RASSF3: variants seen among roughly 807,000 people sequenced by gnomAD.
The protein encoded by RASSF3 is ras association domain-containing protein 3.
In RASSF3, 19 loss-of-function variants were observed where a neutral mutation model predicts 19.9. The observed-to-expected ratio is 0.96, with a 90% confidence interval of 0.67 to 1.40. The LOEUF (loss-of-function observed/expected upper bound fraction) is 1.40. Ranked by LOEUF, RASSF3 falls within the 40% of genes most tolerant of loss-of-function variation. The pLI, the probability that RASSF3 is intolerant of heterozygous loss-of-function variation, is 0.00. For synonymous variants in RASSF3, 110 were observed against 104.2 expected (o/e 1.06, Z -0.34); for missense variants, 306 against 289.8 (o/e 1.06, Z -0.41).
At chr12:64,607,500 G>C (rs1487318808), upstream of RASSF3, among the ~76,000 whole-genome samples, 2 of 151,830 alleles carry the variant, frequency 1.3e-5, no homozygotes, top group African/African-American at 2.4e-5. Context: ...CTCCCGAATA[G>C]CTGGGACAAC....
At chr12:64,538,880 T>C (rs1429218220) in intron 1 of RASSF3, among the ~76,000 whole-genome samples, 1 of 151,884 alleles carries the variant, frequency 6.6e-6, no homozygotes, top group Non-Finnish European at 1.5e-5. Flanking sequence ...CCATCTCTAC[T>C]AAAAAATACC....
chr12:64,563,113 A>G (rs951000962), intron 2 of RASSF3, among the ~76,000 whole-genome samples: 8 of 151,954 alleles, frequency 5.3e-5, no homozygotes, highest in African/African-American at 1.9e-4. Context: ...CTTCCTTTAC[A>G]ATATAGCAGC....
intron 1 of RASSF3, among the ~76,000 whole-genome samples, chr12:64,626,006 C>T (rs1870977086): frequency 6.6e-6 from 1 of 152,106 alleles, no homozygotes; most frequent in Non-Finnish European, 1.5e-5. Flanking sequence ...TATCTCTCCA[C>T]CCCCAACCTC....
chr12:64,696,604 C>A lies in RASSF3; in HGVS notation c.*1692C>A, dbSNP rs1868373236. Reference sequence around the variant, plus strand: ...AGTTCTTTGCCCAAGTGAACTGTGCCTTTTATTGCATTTCTGTTCGTCTCT... The same window carrying A: ...AGTTCTTTGCCCAAGTGAACTGTGCATTTTATTGCATTTCTGTTCGTCTCT... On this transcript the variant is annotated 3_prime_UTR_variant, in exon 5 of 5. Coordinates refer to ENST00000542104, the MANE Select transcript of RASSF3 (RefSeq NM_178169.4). 1 of 151,592 alleles carries A rather than the reference C, an allele frequency of 6.6e-6. No homozygotes were observed. The highest frequency in any genetic ancestry group is 2.1e-4 in the South Asian group (1 of 4,786). 9.4% of individuals were successfully genotyped at this position (151,592 alleles called of 1,614,324 possible). A position where few individuals can be genotyped will look rare whatever the true frequency, so the allele number is the denominator to read the frequency against.
intron 2 of RASSF3, among the ~76,000 whole-genome samples, chr12:64,584,592 T>G (rs959903101): frequency 6.6e-6 from 1 of 151,216 alleles, no homozygotes; most frequent in African/African-American, 2.4e-5. Context: ...CCTTCAGATA[T>G]CCTACATCTT....
intron 4 of RASSF3, among the ~76,000 whole-genome samples, chr12:64,694,363 G>T (rs1868325421): frequency 6.6e-6 from 1 of 152,210 alleles, no homozygotes; most frequent in East Asian, 1.9e-4. Context: ...CTGTTTGGGG[G>T]TGATAAGACT....
intron 1 of RASSF3, among the ~76,000 whole-genome samples, chr12:64,663,035 C>T (rs932636285): frequency 2.0e-5 from 3 of 152,004 alleles, no homozygotes; most frequent in Non-Finnish European, 4.4e-5. Flanking sequence ...AAACGCAGAC[C>T]TTTAAATAGA....
intron 2 of RASSF3, among the ~76,000 whole-genome samples, chr12:64,595,064 C>CTTTTTTTTT (rs1171762487): frequency 9.9e-5 from 9 of 90,950 alleles, no homozygotes; most frequent in Non-Finnish European, 1.2e-4. Flanking sequence ...CATATGAAAT[C>CTTTTTTTTT]TTTTTTTTTT....
At chr12:64,595,714 T>G (rs1325312634) in intron 2 of RASSF3, among the ~76,000 whole-genome samples, 2 of 152,304 alleles carry the variant, frequency 1.3e-5, no homozygotes, top group East Asian at 3.9e-4. Context: ...GACTGAAATG[T>G]GTTTGATTGT....
At chr12:64,672,162 G>A (rs142987626) in intron 1 of RASSF3, among the ~76,000 whole-genome samples, 2,041 of 152,094 alleles carry the variant, frequency 0.013, 43 homozygotes, top group African/African-American at 0.047. Flanking sequence ...ATCACCCCAA[G>A]CATTTATCAT....
At chr12:64,585,714 C>T (rs1368330358) in intron 2 of RASSF3, among the ~76,000 whole-genome samples, 1 of 151,530 alleles carries the variant, frequency 6.6e-6, no homozygotes, top group Non-Finnish European at 1.5e-5. Flanking sequence ...ACACAATCCT[C>T]CTACCTCAGC....
rs981477014 is a variant in RASSF3, at chr12:64,691,379, T to G, written c.458-91T>G. On this transcript the variant is annotated intron_variant, in intron 3 of 4. Transcript: ENST00000542104. ...TTAGAGGCTGGGGTAACTTGGATGGTTACCTTGATCTGGAGGAGGGGATCA... is the reference window on the plus strand; with the variant it reads ...TTAGAGGCTGGGGTAACTTGGATGGGTACCTTGATCTGGAGGAGGGGATCA... The G allele has an allele frequency of 3.3e-5, 28 of 847,168 alleles. No individual in the cohort carries two copies. The African/African-American group carries it at 4.7e-4, about 14-fold the overall frequency. 52.5% of individuals were successfully genotyped at this position (847,168 alleles called of 1,614,324 possible).
In RASSF3 at chr12:64,591,466, G is replaced by A. The variant is rs566819862; in HGVS notation, c.294+49761G>A. Among the ~76,000 whole-genome samples, 6 of 126,390 alleles carry A rather than the reference G, an allele frequency of 4.7e-5. No homozygotes were observed. In the East Asian group the frequency reaches 1.3e-3, roughly 27 times the overall value. 82.9% of individuals were successfully genotyped at this position (126,390 alleles called of 152,430 possible). The stretch of plus-strand genomic sequence containing the variant: ...ACTCCAGGCCCGGGCCACAGCATGA[G>A]ACTCCATCTAAAAAAAAAAAGTCAA... On this transcript the variant is annotated intron_variant, in intron 2 of 5. Coordinates refer to the RASSF3 transcript ENST00000637125.
chr12:64,644,190 T>C (rs752008897), intron 1 of RASSF3, among the ~76,000 whole-genome samples: 1 of 152,202 alleles, frequency 6.6e-6, no homozygotes. Flanking sequence ...TAGAGTTGTT[T>C]AAGGTAGAGA....
At chr12:64,507,583 C>G (rs1868299804) in intron 1 of RASSF3, 1 of 294,314 alleles carries the variant, frequency 3.4e-6, no homozygotes, top group Non-Finnish European at 6.2e-6. Context: ...CATTTTGATT[C>G]CGAAAAGTTG....
intron 1 of RASSF3, among the ~76,000 whole-genome samples, chr12:64,516,491 C>T (rs1289454460): frequency 4.0e-5 from 6 of 149,868 alleles, no homozygotes; most frequent in Admixed American, 6.6e-5. Flanking sequence ...TAGTGGCGGG[C>T]GCCTGTAGTC....
downstream of RASSF3, among the ~76,000 whole-genome samples, chr12:64,544,236 C>T (rs1342426711): frequency 6.6e-6 from 1 of 152,018 alleles, no homozygotes; most frequent in Admixed American, 6.6e-5. Flanking sequence ...AGACCACGAA[C>T]CCACCGGGAG....
chr12:64,643,818 A>C (rs768300871), intron 1 of RASSF3, among the ~76,000 whole-genome samples: 1 of 152,164 alleles, frequency 6.6e-6, no homozygotes, highest in Non-Finnish European at 1.5e-5. Flanking sequence ...TAAAAAGGGC[A>C]ATTTGTTTTT....
chr12:64,514,788 T>G (rs79892752), intron 1 of RASSF3, among the ~76,000 whole-genome samples: 4,176 of 152,230 alleles, frequency 0.027, 179 homozygotes, highest in African/African-American at 0.096. Flanking sequence ...GGAATCATTA[T>G]GACACTTTAT....
Sources: gnomAD v4.1 joint callset for allele counts (sites outside exome capture counted in the v4.1 genomes callset) on GRCh38, gnomAD v4.1.1 for gene constraint, MANE v1.5 for transcripts, NCBI Gene and HGNC (gene_info 2026-07-23, HGNC 2026-07-21) for gene names.